The following C20orf202 variants were observed in gnomAD, a reference collection of about 807,000 sequenced individuals.
C20orf202 encodes the protein chromosome 20 open reading frame 202, also known as uncharacterized protein C20orf202.
A neutral mutation model predicts 5.3 loss-of-function variants in C20orf202; 5 were observed. That is an observed-to-expected ratio of 0.94 (90% CI 0.49 to 1.98). The LOEUF is 1.98. C20orf202 is among the 30% of genes most tolerant of loss of function. The pLI is 0.01. For missense variants in C20orf202, 135 were observed against 123.5 expected (o/e 1.09, Z -0.44); for synonymous variants, 48 against 50.0 (o/e 0.96, Z 0.16).
At chr20:1,204,577 A>G (rs536960706) in intron 1 of C20orf202, among the ~76,000 whole-genome samples, 3 of 152,368 alleles carry the variant, frequency 2.0e-5, no homozygotes, top group African/African-American at 7.2e-5. Context: ...GGTGCCCCCA[A>G]GTGTGTGGGG....
Position 1,208,596 on chromosome 20 carries a change from G to A in C20orf202, c.*1494G>A, listed in dbSNP as rs1259562766. 6.6e-6 allele frequency among the ~76,000 whole-genome samples: 1 copy of A among 152,102 alleles called. No homozygotes were observed. The highest frequency in any genetic ancestry group is 1.5e-5 in the Non-Finnish European group (1 of 68,020). Reference sequence around the variant, plus strand: ...CTACAAGTCTAGAGGAGAGAAAAGGGGCTTGCTCCTTCTTCTTGTTTCCCT... The same window carrying A: ...CTACAAGTCTAGAGGAGAGAAAAGGAGCTTGCTCCTTCTTCTTGTTTCCCT... On this transcript the variant is annotated 3_prime_UTR_variant, in exon 2 of 2. Transcript: ENST00000400633.
Position 1,208,537 on chromosome 20 carries a change from G to GTT in C20orf202, c.*1436_*1437dup, listed in dbSNP as rs1315774805. On this transcript the variant is annotated 3_prime_UTR_variant, in exon 2 of 2. Transcript: ENST00000400633. ...TACCAGCTGCTCCCTGTTAGAGTTTGTTAGGCTTTGCCAATATACAGCATG... is the reference window on the plus strand; with the variant it reads ...TACCAGCTGCTCCCTGTTAGAGTTTGTTTTAGGCTTTGCCAATATACAGCATG... Among the ~76,000 whole-genome samples, 1 of 152,202 alleles carries GTT rather than the reference G, an allele frequency of 6.6e-6. No homozygotes were observed. The highest frequency in any genetic ancestry group is 2.4e-5 in the African/African-American group (1 of 41,454).
intron 1 of C20orf202, among the ~76,000 whole-genome samples, chr20:1,204,444 C>T (rs2087123386): frequency 6.6e-6 from 1 of 152,154 alleles, no homozygotes. Flanking sequence ...TTGGCAAGGG[C>T]CTCCCCCATG....
At position 1,208,777 on chromosome 20, in the gene C20orf202, T is replaced by C. The variant is rs886866689; in HGVS notation, c.*1675T>C. Among the ~76,000 whole-genome samples, 10 of 152,066 alleles carry C rather than the reference T, an allele frequency of 6.6e-5. No individual in the cohort carries two copies. The highest frequency in any genetic ancestry group is 2.4e-4 in the African/African-American group (10 of 41,392). ...GACATCAGCTTCAGATGCCAGTCCC[T>C]CCTCCCCTGAAGTGTGGGTCCCTGC... On this transcript the variant is annotated 3_prime_UTR_variant, in exon 2 of 2. Coordinates refer to ENST00000400633, the MANE Select transcript of C20orf202 (RefSeq NM_001394958.1).
rs569462668 is a variant in C20orf202, at chr20:1,206,769, A to G, written c.67-100A>G. On this transcript the variant is annotated intron_variant, in intron 1 of 1. Transcript: ENST00000400633. Reference sequence around the variant, plus strand: ...CGGCTTCTGTGAGGCTGTGCGAATCACAAGTGGGCTGGTCTCCGATGAGAC... The same window carrying G: ...CGGCTTCTGTGAGGCTGTGCGAATCGCAAGTGGGCTGGTCTCCGATGAGAC... 2.0e-4 allele frequency: 146 copies of G among 723,074 alleles called. No individual in the cohort carries two copies. In the African/African-American group the frequency reaches 2.3e-3, roughly 11 times the overall value. 44.8% of individuals were successfully genotyped at this position (723,074 alleles called of 1,614,324 possible).
In C20orf202 at chr20:1,203,513, G is replaced by A. The variant is rs962896968; in HGVS notation, c.-73G>A. ...CCTGCTGCCAGTCTGAAAGAGTTGG[G>A]GGAATGTACAAGTCAAAGATCCCTC... On this transcript the variant is annotated 5_prime_UTR_variant, in exon 1 of 2. Coordinates refer to ENST00000400633, the MANE Select transcript of C20orf202 (RefSeq NM_001394958.1). The A allele has an allele frequency of 1.3e-6, 2 of 1,544,716 alleles. No homozygotes were observed. The highest frequency in any genetic ancestry group is 1.2e-5 in the South Asian group (1 of 82,730).
In C20orf202 at chr20:1,207,194, C is replaced by A; in HGVS notation, c.*92C>A. On this transcript the variant is annotated 3_prime_UTR_variant, in exon 2 of 2. Transcript: ENST00000400633. ...AGGGGCAGAGTGTTGGAATGGGAGT[C>A]AGAAAGCCAGGGCTCTGGGTTCATT... is the stretch of plus-strand genomic sequence containing the variant. The A allele has an allele frequency of 1.1e-6, 1 of 912,734 alleles. No homozygotes were observed. The highest frequency in any genetic ancestry group is 1.6e-6 in the Non-Finnish European group (1 of 627,720). 56.5% of individuals were successfully genotyped at this position (912,734 alleles called of 1,614,324 possible). A position where few individuals can be genotyped will look rare whatever the true frequency, so the allele number is the denominator to read the frequency against.
rs2087143061 is a variant in C20orf202 at position 1,208,628 on chromosome 20, T to C, written c.*1526T>C. 6.6e-6 allele frequency among the ~76,000 whole-genome samples: 1 copy of C among 152,200 alleles called. No individual in the cohort carries two copies. The highest frequency in any genetic ancestry group is 2.4e-5 in the African/African-American group (1 of 41,446). On this transcript the variant is annotated 3_prime_UTR_variant, in exon 2 of 2. Transcript: ENST00000400633. ...TCCTTCTTCTTGTTTCCCTGTGGGC[T>C]TCCTGTTCCTATGAGCATCTCCCAG...
In C20orf202 at chr20:1,203,499, T is replaced by C; in HGVS notation, c.-87T>C. The C allele has an allele frequency of 1.3e-6, 2 of 1,533,726 alleles. No homozygotes were observed. Among genetic ancestry groups the C allele is most frequent in the Non-Finnish European group, 1.8e-6 (2 of 1,138,284 alleles). On this transcript the variant is annotated 5_prime_UTR_variant, in exon 1 of 2. Coordinates refer to ENST00000400633, the MANE Select transcript of C20orf202 (RefSeq NM_001394958.1). ...TGATTTGGCCAGAACCTGCTGCCAGTCTGAAAGAGTTGGGGGAATGTACAA... is the reference window on the plus strand; with the variant it reads ...TGATTTGGCCAGAACCTGCTGCCAGCCTGAAAGAGTTGGGGGAATGTACAA...
In C20orf202 at chr20:1,206,965, G is replaced by C. The variant is rs1407304765; in HGVS notation, c.163G>C (p.Asp55His). Residue 55 changes from aspartate to histidine, a missense_variant, in exon 2 of 2, where the codon GAC becomes CAC. By Grantham distance (81) the Asp-to-His change is moderately conservative (BLOSUM62 -1). Coordinates refer to ENST00000400633, the MANE Select transcript of C20orf202 (RefSeq NM_001394958.1). ...ELRADSAHWE[D>H]ARSSGGTSPI... ...GCGTGCGGACAGCGCCCACTGGGAG[G>C]ACGCCAGGTCCAGCGGAGGGACATC... The C allele has an allele frequency of 6.4e-7, 1 of 1,551,764 alleles. No individual in the cohort carries two copies. The highest frequency in any genetic ancestry group is 2.0e-5 in the Admixed American group (1 of 51,008).
chr20:1,206,390 T>G (rs2087131722), intron 1 of C20orf202, among the ~76,000 whole-genome samples: 1 of 152,246 alleles, frequency 6.6e-6, no homozygotes, highest in Admixed American at 6.5e-5. Context: ...AATAACTATA[T>G]TTTTCAAAGC....
In C20orf202 at chr20:1,207,457, A is replaced by G. The variant is rs140045699; in HGVS notation, c.*355A>G. ...AAAACAAAGAACTAGATGTGCAGTA[A>G]TGGTTACCAAGTGTTGCTATGGTGA... On this transcript the variant is annotated 3_prime_UTR_variant, in exon 2 of 2. Coordinates refer to ENST00000400633, the MANE Select transcript of C20orf202 (RefSeq NM_001394958.1). The G allele has an allele frequency of 1.0e-3, 181 of 181,116 alleles. No homozygotes were observed. The highest frequency in any genetic ancestry group is 4.0e-3 in the African/African-American group (173 of 42,806). The allele number at this position is 181,116 out of a possible 1,614,324, so 11.2% of individuals were successfully genotyped here.
At chr20:1,206,750 C>T (rs1371341136) in intron 1 of C20orf202, 119 bp from the exon 2 acceptor site, 31 of 591,882 alleles carry the variant, frequency 5.2e-5, no homozygotes. Context: ...GATACGGCTT[C>T]TGTGAGGCTG....
Position 1,206,990 on chromosome 20 carries a change from C to T in C20orf202, c.188C>T (p.Ser63Phe), listed in dbSNP as rs1333759224. Reference protein sequence around the residue: ...WEDARSSGGTSPIRARAGSEG... With the variant: ...WEDARSSGGTFPIRARAGSEG... Reference sequence around the variant, plus strand: ...GACGCCAGGTCCAGCGGAGGGACATCCCCCATCAGAGCTCGAGCGGGCTCC... The same window carrying T: ...GACGCCAGGTCCAGCGGAGGGACATTCCCCATCAGAGCTCGAGCGGGCTCC... Residue 63 changes from serine (S) to phenylalanine (F), a missense_variant, in exon 2 of 2, where the codon TCC (serine) becomes TTC (phenylalanine). Ser to Phe is a radical substitution (Grantham distance 155). Transcript: ENST00000400633. The T allele has an allele frequency of 3.2e-6, 5 of 1,551,418 alleles. No individual in the cohort carries two copies. In the South Asian group the frequency reaches 4.8e-5, roughly 15 times the overall value.
At position 1,207,002 on chromosome 20, in the gene C20orf202, C is replaced by T; in HGVS notation, c.200C>T (p.Ala67Val). The T allele has an allele frequency of 5.8e-6, 9 of 1,551,206 alleles. No homozygotes were observed. Among genetic ancestry groups the T allele is most frequent in the Non-Finnish European group, 7.8e-6 (9 of 1,146,606 alleles). ...RSSGGTSPIRARAGSEGRGCQ... is the reference protein window; with the variant it reads ...RSSGGTSPIRVRAGSEGRGCQ... Reference sequence around the variant, plus strand: ...AGCGGAGGGACATCCCCCATCAGAGCTCGAGCGGGCTCCGAAGGCAGGGGC... The same window carrying T: ...AGCGGAGGGACATCCCCCATCAGAGTTCGAGCGGGCTCCGAAGGCAGGGGC... Residue 67 changes from alanine (A) to valine (V), a missense_variant, in exon 2 of 2, where the codon GCT (alanine) becomes GTT (valine). Coordinates refer to ENST00000400633, the MANE Select transcript of C20orf202 (RefSeq NM_001394958.1).
In C20orf202 at chr20:1,208,829, T is replaced by G. The variant is rs778986173; in HGVS notation, c.*1727T>G. Reference sequence around the variant, plus strand: ...TTACCTACCTGGCCCTTTCCTGAGCTCAGAGACACCAGCCCCAGCTGAGCT... The same window carrying G: ...TTACCTACCTGGCCCTTTCCTGAGCGCAGAGACACCAGCCCCAGCTGAGCT... On this transcript the variant is annotated 3_prime_UTR_variant, in exon 2 of 2. Transcript: ENST00000400633. Among the ~76,000 whole-genome samples, 9 of 151,992 alleles carry G rather than the reference T, an allele frequency of 5.9e-5. No individual in the cohort carries two copies. The highest frequency in any genetic ancestry group is 1.3e-4 in the Admixed American group (2 of 15,260).
chr20:1,203,782 G>A, intron 1 of C20orf202, 131 bp downstream of exon 1: 4 of 1,014,530 alleles, frequency 3.9e-6, no homozygotes, highest in South Asian at 1.8e-5. Flanking sequence ...CTCCCCTCTG[G>A]GACCTACCAC....
In C20orf202 at chr20:1,203,527, C is replaced by A; in HGVS notation, c.-59C>A. On this transcript the variant is annotated 5_prime_UTR_variant, in exon 1 of 2. An upstream open reading frame in the 5' UTR gains an earlier in-frame stop. Coordinates refer to ENST00000400633, the MANE Select transcript of C20orf202 (RefSeq NM_001394958.1). ...GAAAGAGTTGGGGGAATGTACAAGTCAAAGATCCCTCGGGCCCAGAACCAG... is the reference window on the plus strand; with the variant it reads ...GAAAGAGTTGGGGGAATGTACAAGTAAAAGATCCCTCGGGCCCAGAACCAG... 6.5e-7 allele frequency: 1 copy of A among 1,548,654 alleles called. No individual in the cohort carries two copies. Among genetic ancestry groups the A allele is most frequent in the South Asian group, 1.2e-5 (1 of 83,360 alleles).
chr20:1,203,751 C>A, intron 1 of C20orf202, 100 bp downstream of exon 1: 1 of 1,319,134 alleles, frequency 7.6e-7, no homozygotes, highest in Non-Finnish European at 1.0e-6. Flanking sequence ...AGGCTGCAGG[C>A]TACGGTATGG....
Sources: allele counts gnomAD v4.1 joint callset (sites outside exome capture counted in the v4.1 genomes callset), GRCh38; gene constraint gnomAD v4.1.1; transcripts MANE v1.5; gene names NCBI Gene and HGNC (gene_info 2026-07-23, HGNC 2026-07-21).